Variants in TGFBR2 observed in about 807,000 individuals in gnomAD.
The protein encoded by TGFBR2 is TGF-beta receptor type-2.
In TGFBR2, 18 loss-of-function variants were observed where a neutral mutation model predicts 49.0. The observed-to-expected ratio is 0.37, with a 90% confidence interval of 0.25 to 0.54. The LOEUF (loss-of-function observed/expected upper bound fraction) is 0.54, where lower values mean the gene tolerates loss of function less well. TGFBR2 is among the 20% of genes least tolerant of loss of function. The pLI, the probability that TGFBR2 is intolerant of heterozygous loss-of-function variation, is 0.85. For missense variants in TGFBR2, 525 were observed against 722.6 expected (o/e 0.73, Z 3.13); for synonymous variants, 282 against 275.9 (o/e 1.02, Z -0.22).
chr3:30,651,276 A>C (rs1698879523), intron 3 of TGFBR2, among the ~76,000 whole-genome samples: 1 of 152,178 alleles, frequency 6.6e-6, no homozygotes, highest in African/African-American at 2.4e-5. Flanking sequence ...CCTCACTCCC[A>C]ATGCAACAGA....
At chr3:30,618,220 T>G (rs1469201805) in intron 1 of TGFBR2, among the ~76,000 whole-genome samples, 1 of 151,620 alleles carries the variant, frequency 6.6e-6, no homozygotes, top group Non-Finnish European at 1.5e-5. Flanking sequence ...CCCATTTCTT[T>G]TTTCTTTCTT....
In TGFBR2 at chr3:30,671,835, A is replaced by G. The variant is rs752110046; in HGVS notation, c.652A>G (p.Ile218Val). ...CATGGAGTTCAGCGAGCACTGTGCC[A>G]TCATCCTGGAAGATGACCGCTCTGA... ...KLMEFSEHCA[I>V]ILEDDRSDIS... is the part of the protein sequence containing the mutation. Residue 218 changes from isoleucine (I) to valine (V), a missense_variant, in exon 4 of 7, where the codon ATC becomes GTC. By Grantham distance (29) the Ile-to-Val change is conservative. Coordinates refer to ENST00000295754, the MANE Select transcript of TGFBR2 (RefSeq NM_003242.6). 3 of 1,614,214 alleles carry G rather than the reference A, an allele frequency of 1.9e-6. No homozygotes were observed. Among genetic ancestry groups the G allele is most frequent in the Admixed American group, 1.7e-5 (1 of 60,028 alleles).
chr3:30,607,803 T>TATATATATATTATATATATATAA (rs1206133295), intron 1 of TGFBR2, among the ~76,000 whole-genome samples: 1 of 138,400 alleles, frequency 7.2e-6, no homozygotes, highest in African/African-American at 2.8e-5. Context: ...TAAAAAAATA[T>TATATATATATTATATATATATAA]ATATATATAT....
chr3:30,644,931 A>G lies in TGFBR2; in HGVS notation c.263+16A>G, dbSNP rs1698703611. On this transcript the variant is annotated intron_variant, in intron 2 of 6. Coordinates refer to ENST00000295754, the MANE Select transcript of TGFBR2 (RefSeq NM_003242.6). ...TGGCTGTATGGTAAGCAAGCCTTTT[A>G]AGAAGTTATTCTTTCTTTTCCCCTT... 6 of 1,611,076 alleles carry G rather than the reference A, an allele frequency of 3.7e-6. No homozygotes were observed. The East Asian group carries it at 1.3e-4, about 36-fold the overall frequency.
At position 30,671,629 on chromosome 3, in the gene TGFBR2, C is replaced by A; in HGVS notation, c.455-9C>A. On this transcript the variant is annotated splice_polypyrimidine_tract_variant and intron_variant, in intron 3 of 6. Coordinates refer to ENST00000295754, the MANE Select transcript of TGFBR2 (RefSeq NM_003242.6). ...AACTCCTTCTCTCCTTGTTTTGTTTCCCCATCAGAATATAACACCAGCAAT... is the reference window on the plus strand; with the variant it reads ...AACTCCTTCTCTCCTTGTTTTGTTTACCCATCAGAATATAACACCAGCAAT... 1 of 1,614,166 alleles carries A rather than the reference C, an allele frequency of 6.2e-7. No individual in the cohort carries two copies. Among genetic ancestry groups the A allele is most frequent in the Non-Finnish European group, 8.5e-7 (1 of 1,179,994 alleles).
At chr3:30,607,264 C>CCCCTT (rs2125439242) in intron 1 of TGFBR2, among the ~76,000 whole-genome samples, 1 of 152,324 alleles carries the variant, frequency 6.6e-6, no homozygotes, top group African/African-American at 2.4e-5. Context: ...GAGCCCCCAC[C>CCCCTT]CCCGGAAAGG....
chr3:30,610,424 C>G (rs1698008410), intron 1 of TGFBR2, among the ~76,000 whole-genome samples: 1 of 152,038 alleles, frequency 6.6e-6, no homozygotes. Context: ...TTGTCTCTTT[C>G]CTATCCCTGC....
chr3:30,609,236 GAAGACAGATATATTGAAGACGAGAA>G (rs1697989010), intron 1 of TGFBR2, among the ~76,000 whole-genome samples: 1 of 152,178 alleles, frequency 6.6e-6, no homozygotes, highest in Non-Finnish European at 1.5e-5. Flanking sequence ...GCCAATGGTT[GAAGACAGATATATTGAAGACGAGAA>G]ACCTAATTCT....
rs766522692 is a variant in TGFBR2 at position 30,628,552 on chromosome 3, T to TTC, written c.95-16191_95-16190dup. On this transcript the variant is annotated intron_variant, in intron 1 of 6. Coordinates refer to ENST00000295754, the MANE Select transcript of TGFBR2 (RefSeq NM_003242.6). ...GGTTTTTTTTTTTTTTTTTTTTTTT[T>TTC]TCTCTAAAATGTTAATTTCCTTTCT... Among the ~76,000 whole-genome samples the TTC allele has an allele frequency of 1.0e-3, 146 of 141,292 alleles. 4 individuals are homozygous for TTC. Among genetic ancestry groups the TTC allele is most frequent in the Non-Finnish European group, 1.6e-3 (104 of 65,492 alleles). The allele number at this position is 141,292 out of a possible 152,430, so 92.7% of individuals were successfully genotyped here.
At chr3:30,615,010 C>T (rs770497902) in intron 1 of TGFBR2, among the ~76,000 whole-genome samples, 5 of 152,294 alleles carry the variant, frequency 3.3e-5, no homozygotes, top group Middle Eastern at 3.4e-3. Context: ...AAATAACACT[C>T]GGTTTATACA....
rs185225251 is a variant in TGFBR2 at position 30,617,805 on chromosome 3, A to C, written c.94+10828A>C. The stretch of plus-strand genomic sequence containing the variant: ...CACTGAGAATTTATTGGAAATGAGG[A>C]TTGTGGGTCCTCTCCCCAGACCTAC... On this transcript the variant is annotated intron_variant, in intron 1 of 6. Transcript: ENST00000295754. Among the ~76,000 whole-genome samples, 4 of 152,272 alleles carry C rather than the reference A, an allele frequency of 2.6e-5. No individual in the cohort carries two copies. In the East Asian group the frequency reaches 7.7e-4, roughly 29 times the overall value.
At chr3:30,622,259 G>A (rs187194344) in intron 1 of TGFBR2, among the ~76,000 whole-genome samples, 4 of 152,250 alleles carry the variant, frequency 2.6e-5, no homozygotes, top group Non-Finnish European at 4.4e-5. Flanking sequence ...TGACCAGGGA[G>A]GCTAACTTCA....
At chr3:30,635,762 AG>A (rs1051695694) in intron 1 of TGFBR2, among the ~76,000 whole-genome samples, 2 of 152,212 alleles carry the variant, frequency 1.3e-5, no homozygotes, top group African/African-American at 4.8e-5. Context: ...ATGTTTATGC[AG>A]TTTTCTTAAA....
chr3:30,627,235 T>A (rs1698349076), intron 1 of TGFBR2, among the ~76,000 whole-genome samples: 2 of 152,090 alleles, frequency 1.3e-5, no homozygotes, highest in Non-Finnish European at 2.9e-5. Flanking sequence ...AGGAAATAAA[T>A]TTATTAATTT....
intron 1 of TGFBR2, among the ~76,000 whole-genome samples, chr3:30,612,044 A>G (rs1698040185): frequency 1.3e-5 from 2 of 152,156 alleles, no homozygotes; most frequent in South Asian, 4.1e-4. Context: ...CTCCACAGGT[A>G]CTTGTTGCTT....
At chr3:30,673,587 G>C (rs1006891833) in intron 4 of TGFBR2, among the ~76,000 whole-genome samples, 2 of 152,160 alleles carry the variant, frequency 1.3e-5, no homozygotes, top group African/African-American at 4.8e-5. Context: ...TAATTTAGTA[G>C]AGATGTTATG....
At chr3:30,628,817 C>G (rs934265617) in intron 1 of TGFBR2, among the ~76,000 whole-genome samples, 7 of 152,042 alleles carry the variant, frequency 4.6e-5, no homozygotes, top group Non-Finnish European at 7.4e-5. Flanking sequence ...CTTCTGAGAC[C>G]TTTTGCTGCT....
intron 1 of TGFBR2, among the ~76,000 whole-genome samples, chr3:30,619,998 T>C (rs1698198164): frequency 6.6e-6 from 1 of 152,088 alleles, no homozygotes; most frequent in African/African-American, 2.4e-5. Flanking sequence ...CCATCCTCGC[T>C]AACACGATGA....
Position 30,607,180 on chromosome 3 carries a change from T to C in TGFBR2, c.94+203T>C, listed in dbSNP as rs188807538. 1.2e-4 allele frequency among the ~76,000 whole-genome samples: 19 copies of C among 152,260 alleles called. No homozygotes were observed. The East Asian group carries it at 3.3e-3, about 26-fold the overall frequency. Reference sequence around the variant, plus strand: ...CTTGAAAAAGAGAAGGAAAGTTCAGTTGCAAGGGGCGCGGGGCACGTTTGG... The same window carrying C: ...CTTGAAAAAGAGAAGGAAAGTTCAGCTGCAAGGGGCGCGGGGCACGTTTGG... On this transcript the variant is annotated intron_variant, in intron 1 of 6. Transcript: ENST00000295754.
Sources: gnomAD v4.1 joint callset for allele counts (sites outside exome capture counted in the v4.1 genomes callset) on GRCh38, gnomAD v4.1.1 for gene constraint, MANE v1.5 for transcripts, NCBI Gene and HGNC (gene_info 2026-07-23, HGNC 2026-07-21) for gene names.